The following MAN1A1 variants were observed in gnomAD, a reference collection of about 807,000 sequenced individuals.
MAN1A1 encodes the protein mannosidase alpha class 1A member 1, also known as mannosyl-oligosaccharide 1,2-alpha-mannosidase IA.
A neutral mutation model predicts 70.8 loss-of-function variants in MAN1A1; 29 were observed. The ratio of observed to expected loss-of-function variants is 0.41; its 90% CI spans 0.31 to 0.56. MAN1A1 has a LOEUF of 0.56. MAN1A1 is among the 20% of genes least tolerant of loss of function. MAN1A1 has a pLI of 0.29. For missense variants in MAN1A1, 747 were observed against 841.3 expected (o/e 0.89, Z 1.39); for synonymous variants, 349 against 330.1 (o/e 1.06, Z -0.62).
intron 6 of MAN1A1, among the ~76,000 whole-genome samples, chr6:119,218,579 A>C (rs1774270685): frequency 6.6e-6 from 1 of 151,990 alleles, no homozygotes; most frequent in South Asian, 2.1e-4. Context: ...AACACAAAAA[A>C]CTTGATTCCA....
At chr6:119,350,446 C>T (rs1451976488), upstream of MAN1A1, 6 of 696,160 alleles carry the variant, frequency 8.6e-6, no homozygotes, top group Middle Eastern at 7.2e-4. Context: ...TTCGTATGCG[C>T]CCTTTCTTCC....
intron 7 of MAN1A1, among the ~76,000 whole-genome samples, chr6:119,203,948 C>A (rs1042733989): frequency 5.9e-5 from 9 of 152,026 alleles, no homozygotes; most frequent in African/African-American, 2.2e-4. Flanking sequence ...GAGTGAATAT[C>A]AACAAGCAGA....
chr6:119,273,970 T>C (rs1043064872), intron 5 of MAN1A1, among the ~76,000 whole-genome samples: 29 of 152,136 alleles, frequency 1.9e-4, no homozygotes, highest in African/African-American at 6.5e-4. Flanking sequence ...TTGCATGAGA[T>C]TGAGAACATC....
At chr6:119,300,680 A>G (rs1772367581) in intron 4 of MAN1A1, among the ~76,000 whole-genome samples, 1 of 152,164 alleles carries the variant, frequency 6.6e-6, no homozygotes, top group South Asian at 2.1e-4. Flanking sequence ...ATAGCTCCAT[A>G]ACCTTGAGCA....
intron 2 of MAN1A1, among the ~76,000 whole-genome samples, chr6:119,335,722 A>G (rs1200527671): frequency 6.6e-6 from 1 of 152,236 alleles, no homozygotes; most frequent in Non-Finnish European, 1.5e-5. Context: ...ATGGATTTTG[A>G]GCAAGTGAGA....
chr6:119,274,489 TTA>T (rs1485361606), intron 5 of MAN1A1, among the ~76,000 whole-genome samples: 1 of 152,210 alleles, frequency 6.6e-6, no homozygotes, highest in African/African-American at 2.4e-5. Flanking sequence ...CCAAAATATT[TTA>T]GTTTCATCTG....
At chr6:119,230,022 C>T (rs934254257) in intron 6 of MAN1A1, among the ~76,000 whole-genome samples, 2 of 152,116 alleles carry the variant, frequency 1.3e-5, no homozygotes, top group African/African-American at 4.8e-5. Flanking sequence ...GTAGCAGTTT[C>T]TAGTCAAATG....
intron 6 of MAN1A1, among the ~76,000 whole-genome samples, chr6:119,217,158 T>A (rs575909130): frequency 2.0e-5 from 3 of 152,368 alleles, no homozygotes; most frequent in Admixed American, 6.5e-5. Flanking sequence ...GCTCACTAAC[T>A]GGGCATTTAT....
At position 119,201,282 on chromosome 6, in the gene MAN1A1, C is replaced by A. The variant is rs372200433; in HGVS notation, c.1182G>T (p.Leu394=). The A allele has an allele frequency of 6.2e-7, 1 of 1,613,488 alleles. No individual in the cohort carries two copies. The highest frequency in any genetic ancestry group is 8.5e-7 in the Non-Finnish European group (1 of 1,179,578). The change falls in exon 8 of 13, where the codon CTG becomes CTT. Residue 394 remains leucine, a synonymous_variant. Transcript: ENST00000368468. ...EKPQGLYPNY[L]NPSSGQWGQH... is the part of the protein sequence containing the mutation. Reference sequence around the variant, plus strand: ...GACCCCACTGTCCACTACTGGGATTCAGATAGTTAGGATAAAGGCCTTGTG... The same window carrying A: ...GACCCCACTGTCCACTACTGGGATTAAGATAGTTAGGATAAAGGCCTTGTG...
At chr6:119,199,741 C>A (rs1411458592) in intron 8 of MAN1A1, among the ~76,000 whole-genome samples, 16 of 141,004 alleles carry the variant, frequency 1.1e-4, no homozygotes, top group East Asian at 2.1e-4. Context: ...TTCTCTCTAC[C>A]AAAAAAAAAA....
At chr6:119,182,039 C>A (rs776508836) in intron 11 of MAN1A1, among the ~76,000 whole-genome samples, 7 of 152,170 alleles carry the variant, frequency 4.6e-5, no homozygotes, top group African/African-American at 9.6e-5. Context: ...CTCACTAAGA[C>A]TGATTACCTC....
intron 5 of MAN1A1, among the ~76,000 whole-genome samples, chr6:119,286,672 A>G (rs1157540266): frequency 6.6e-6 from 1 of 152,110 alleles, no homozygotes; most frequent in Non-Finnish European, 1.5e-5. Context: ...TTTGAAAGCT[A>G]GTTCTTAATC....
chr6:119,201,496 A>T (rs1773711710), intron 7 of MAN1A1, 149 bp from the exon 8 acceptor site: 8 of 620,630 alleles, frequency 1.3e-5, no homozygotes, highest in Non-Finnish European at 2.3e-5. Context: ...ACATAATGGC[A>T]GTAAGTGAAT....
intron 2 of MAN1A1, among the ~76,000 whole-genome samples, chr6:119,314,886 C>T (rs1044921356): frequency 6.6e-6 from 1 of 152,194 alleles, no homozygotes; most frequent in Non-Finnish European, 1.5e-5. Flanking sequence ...TCTCCTCCTG[C>T]CCTGTATGCT....
In MAN1A1 at chr6:119,343,512, A is replaced by G. The variant is rs951020359; in HGVS notation, c.603+4951T>C. ...TGAGATTTAAAGTTATCATGGCATA[A>G]TTTGCAGAGTTTGTGTAAAGGGCCT... On this transcript the variant is annotated intron_variant, in intron 2 of 12. Transcript: ENST00000368468. 8.5e-5 allele frequency among the ~76,000 whole-genome samples: 13 copies of G among 152,158 alleles called. No homozygotes were observed. In the South Asian group the frequency reaches 2.7e-3, roughly 32 times the overall value.
intron 6 of MAN1A1, among the ~76,000 whole-genome samples, chr6:119,239,426 A>G (rs73767289): frequency 5.3e-4 from 80 of 152,336 alleles, no homozygotes; most frequent in African/African-American, 1.9e-3. Context: ...GAACATATCA[A>G]CTATAACTAT....
chr6:119,274,639 C>T (rs1776005692), intron 5 of MAN1A1, among the ~76,000 whole-genome samples: 1 of 152,030 alleles, frequency 6.6e-6, no homozygotes, highest in Non-Finnish European at 1.5e-5. Flanking sequence ...TTTCAATATG[C>T]CTGAGAAAAG....
chr6:119,328,239 A>G (rs1773208317), intron 2 of MAN1A1, among the ~76,000 whole-genome samples: 1 of 152,244 alleles, frequency 6.6e-6, no homozygotes, highest in Non-Finnish European at 1.5e-5. Context: ...AGTGGCAGAC[A>G]GGGATTTAGA....
intron 9 of MAN1A1, among the ~76,000 whole-genome samples, 194 bp from the exon 10 acceptor site, chr6:119,190,077 T>G (rs1773401944): frequency 6.6e-6 from 1 of 152,226 alleles, no homozygotes; most frequent in East Asian, 1.9e-4. Context: ...TTTGTTTGAT[T>G]AGTCAGAATT....
Sources: gnomAD v4.1 joint callset for allele counts (sites outside exome capture counted in the v4.1 genomes callset) on GRCh38, gnomAD v4.1.1 for gene constraint, MANE v1.5 for transcripts, NCBI Gene and HGNC (gene_info 2026-07-23, HGNC 2026-07-21) for gene names.